The following ARHGAP6 variants were observed in gnomAD, a reference collection of about 807,000 sequenced individuals.
ARHGAP6 encodes Rho GTPase activating protein 6.
Under a neutral mutation model 55.7 loss-of-function variants are expected in ARHGAP6, and 16 were observed. The ratio of observed to expected loss-of-function variants is 0.29; its 90% CI spans 0.19 to 0.44. The LOEUF (loss-of-function observed/expected upper bound fraction) is 0.44. Ranked by LOEUF, ARHGAP6 falls within the 20% of genes least tolerant of loss-of-function variation. ARHGAP6 has a pLI of 1.00. For missense variants in ARHGAP6, 698 were observed against 808.9 expected (o/e 0.86, Z 1.66); for synonymous variants, 382 against 360.9 (o/e 1.06, Z -0.66).
chrX:11,627,058 CA>C (rs914106040), intron 1 of ARHGAP6, among the ~76,000 whole-genome samples: 1 of 110,679 alleles, frequency 9.0e-6, no homozygotes, highest in African/African-American at 3.3e-5. Context: ...ACATACCATA[CA>C]AAAAAAATCA....
chrX:11,216,444 A>T (rs2046884072), intron 2 of ARHGAP6, among the ~76,000 whole-genome samples: 1 of 111,566 alleles, frequency 9.0e-6, no homozygotes, highest in Non-Finnish European at 1.9e-5. Flanking sequence ...ACTTGAGGTC[A>T]GGAGTTTGAG....
Position 11,351,296 on chromosome X carries a change from A to G in ARHGAP6, c.589-96589T>C, listed in dbSNP as rs1238645788. On this transcript the variant is annotated intron_variant, in intron 1 of 12. Coordinates refer to ENST00000337414, the MANE Select transcript of ARHGAP6 (RefSeq NM_013427.3). The stretch of plus-strand genomic sequence containing the variant: ...ATAAAAATGAACTTTACATTCTAAT[A>G]TATTTGTGCCTGGATCAAGAGCTAC... 6.8e-6 allele frequency: 6 copies of G among 876,058 alleles called. No individual in the cohort carries two copies. In the Admixed American group the frequency reaches 1.4e-4, roughly 20 times the overall value. 72.2% of individuals were successfully genotyped at this position (876,058 alleles called of 1,213,427 possible). A position where few individuals can be genotyped will look rare whatever the true frequency, so the allele number is the denominator to read the frequency against.
intron 1 of ARHGAP6, among the ~76,000 whole-genome samples, chrX:11,585,891 T>C (rs957123126): frequency 2.2e-4 from 24 of 111,521 alleles, no homozygotes; most frequent in African/African-American, 7.8e-4. Flanking sequence ...GCCTATATTG[T>C]CAGAGCCTAT....
chrX:11,300,803 T>C, intron 1 of ARHGAP6: 1 of 426,824 alleles, frequency 2.3e-6, no homozygotes, highest in Non-Finnish European at 4.2e-6. Context: ...TTTCCTATCA[T>C]TTGAGATGAT....
At chrX:11,334,666 G>T in intron 1 of ARHGAP6, 1 of 161,962 alleles carries the variant, frequency 6.2e-6, no homozygotes, top group South Asian at 1.4e-4. Flanking sequence ...CTCATACACT[G>T]ACCATATAAA....
intron 1 of ARHGAP6, among the ~76,000 whole-genome samples, chrX:11,479,361 A>T (rs1163854319): frequency 8.9e-6 from 1 of 112,262 alleles, no homozygotes; most frequent in African/African-American, 3.2e-5. Flanking sequence ...CTCCAAAGAG[A>T]TTTAATGTTG....
intron 1 of ARHGAP6, among the ~76,000 whole-genome samples, chrX:11,447,140 G>A (rs2050100266): frequency 1.8e-5 from 2 of 112,024 alleles, no homozygotes; most frequent in South Asian, 7.5e-4. Flanking sequence ...AGATGAGGGA[G>A]GAGGTACTTG....
At chrX:11,317,227 T>C (rs769031620) in intron 1 of ARHGAP6, among the ~76,000 whole-genome samples, 4 of 112,628 alleles carry the variant, frequency 3.6e-5, no homozygotes, top group Non-Finnish European at 3.8e-5. Context: ...CTCAGCACTA[T>C]TGACATTTTG....
At chrX:11,294,008 G>A (rs1351154310) in intron 1 of ARHGAP6, among the ~76,000 whole-genome samples, 2 of 112,386 alleles carry the variant, frequency 1.8e-5, no homozygotes, top group Non-Finnish European at 3.8e-5. Context: ...CATTTTAGGA[G>A]GACCTGTTTT....
At chrX:11,662,407 AACACAC>A (rs150974482) in intron 1 of ARHGAP6, among the ~76,000 whole-genome samples, 1 of 109,910 alleles carries the variant, frequency 9.1e-6, no homozygotes, top group Non-Finnish European at 1.9e-5. Flanking sequence ...AGGAATTTCC[AACACAC>A]ACACACACAC....
intron 1 of ARHGAP6, among the ~76,000 whole-genome samples, chrX:11,636,558 A>G (rs1165377056): frequency 9.0e-6 from 1 of 111,218 alleles, no homozygotes; most frequent in Non-Finnish European, 1.9e-5. Context: ...GTAGGATGAA[A>G]AAAGGTCTCC....
intron 1 of ARHGAP6, among the ~76,000 whole-genome samples, chrX:11,446,138 T>C (rs1433203367): frequency 1.8e-5 from 2 of 112,339 alleles, no homozygotes; most frequent in Non-Finnish European, 3.8e-5. Flanking sequence ...GGTTAATTAT[T>C]GTTAATGATT....
At chrX:11,308,473 A>G (rs1478226444) in intron 1 of ARHGAP6, among the ~76,000 whole-genome samples, 1 of 111,903 alleles carries the variant, frequency 8.9e-6, no homozygotes, top group East Asian at 2.8e-4. Flanking sequence ...TGGCCACAGG[A>G]CAGAGCTGAA....
At chrX:11,494,533 T>C (rs551242128) in intron 1 of ARHGAP6, among the ~76,000 whole-genome samples, 3 of 112,537 alleles carry the variant, frequency 2.7e-5, no homozygotes, top group East Asian at 5.6e-4. Flanking sequence ...AACAGCAAAT[T>C]ATAGGATAAA....
intron 1 of ARHGAP6, among the ~76,000 whole-genome samples, chrX:11,545,701 G>T (rs188029993): frequency 8.9e-6 from 1 of 111,809 alleles, no homozygotes; most frequent in East Asian, 2.8e-4. Context: ...CTGCCCCAAA[G>T]ACTGCATGCA....
chrX:11,275,183 G>GTATC (rs2047742218), intron 1 of ARHGAP6, among the ~76,000 whole-genome samples: 1 of 111,469 alleles, frequency 9.0e-6, no homozygotes, highest in African/African-American at 3.3e-5. Flanking sequence ...GTATCTATAT[G>GTATC]TATCTCTTGA....
chrX:11,560,010 T>C (rs1404578670), intron 1 of ARHGAP6, among the ~76,000 whole-genome samples: 4 of 109,473 alleles, frequency 3.7e-5, no homozygotes, highest in African/African-American at 1.3e-4. Flanking sequence ...CGAACAACCA[T>C]GCCTGTTCTT....
At chrX:11,338,805 T>C (rs1394258911) in intron 1 of ARHGAP6, among the ~76,000 whole-genome samples, 1 of 112,368 alleles carries the variant, frequency 8.9e-6, no homozygotes, top group Non-Finnish European at 1.9e-5. Flanking sequence ...TTATTCTACC[T>C]GATCCCTCAG....
At chrX:11,471,690 C>A (rs1185287573) in intron 1 of ARHGAP6, among the ~76,000 whole-genome samples, 1 of 111,768 alleles carries the variant, frequency 8.9e-6, no homozygotes, top group African/African-American at 3.3e-5. Flanking sequence ...TTTTAAAATT[C>A]TTTCTGTAAT....
Sources: allele counts gnomAD v4.1 joint callset (sites outside exome capture counted in the v4.1 genomes callset), GRCh38; gene constraint gnomAD v4.1.1; transcripts MANE v1.5; gene names NCBI Gene and HGNC (gene_info 2026-07-23, HGNC 2026-07-21).